Variants in ZNF117 observed in about 807,000 individuals in gnomAD.
The protein encoded by ZNF117 is zinc finger protein 117.
In ZNF117, 37 loss-of-function variants were observed where a neutral mutation model predicts 41.2. That is an observed-to-expected ratio of 0.90 (90% CI 0.69 to 1.18). The LOEUF (loss-of-function observed/expected upper bound fraction) is 1.18, where lower values mean the gene tolerates loss of function less well. Among genes scored for constraint, ZNF117 ranks in the 50% most tolerant of loss-of-function variants. The probability of loss-of-function intolerance (pLI) is 0.00; values close to 1 mark genes in which losing one functional copy is unlikely to be tolerated. For synonymous variants in ZNF117, 186 were observed against 186.6 expected, an observed-to-expected ratio of 1.00 and a Z score of 0.02; for missense variants, 546 against 557.5, an observed-to-expected ratio of 0.98 and a Z score of 0.21.
chr7:64,990,550 T>C (rs1786241132), exon 1 of ZNF117: 1 of 39,348 alleles, frequency 2.5e-5, no homozygotes, highest in Admixed American at 4.6e-4. Flanking sequence ...AATCATACCG[T>C]GACAGGTTTT....
chr7:64,974,540 C>T (rs1363541026), exon 3 of ZNF117: 1 of 151,850 alleles, frequency 6.6e-6, no homozygotes, highest in Non-Finnish European at 1.5e-5. Context: ...GGTACAAACT[C>T]ACACTCACAC....
chr7:64,988,686 T>C (rs569800514), intron 1 of ZNF117, among the ~76,000 whole-genome samples: 1 of 152,310 alleles, frequency 6.6e-6, no homozygotes, highest in East Asian at 1.9e-4. Context: ...TGTAATTCTA[T>C]ATATAGAAAA....
upstream of ZNF117, among the ~76,000 whole-genome samples, chr7:64,983,567 A>G (rs559352567): frequency 4.0e-4 from 61 of 152,342 alleles, no homozygotes; most frequent in African/African-American, 1.3e-3. Flanking sequence ...TCTCTATCTG[A>G]GACATATTAA....
upstream of ZNF117, among the ~76,000 whole-genome samples, chr7:64,982,611 T>A (rs1268480485): frequency 6.6e-6 from 1 of 152,174 alleles, no homozygotes; most frequent in East Asian, 1.9e-4. Context: ...TCAATGTTTT[T>A]GGCCCAAGAA....
Position 64,978,809 on chromosome 7 carries a change from G to T in ZNF117, c.762C>A (p.Cys254Ter), listed in dbSNP as rs752243867. 1 of 1,612,966 alleles carries T rather than the reference G, an allele frequency of 6.2e-7. No individual in the cohort carries two copies. The highest frequency in any genetic ancestry group is 2.2e-5 in the East Asian group (1 of 44,852). ...TTGAGGATCGGTTAAAAGCTTTGCC[G>T]CATTCTTCACATTCATAACGTTTCT... The change falls in exon 3 of 3, where the codon TGC becomes TGA. Residue 254 changes from cysteine (C) to a stop codon, truncating the protein, a stop_gained. Transcript: ENST00000620222. LOFTEE classifies it high-confidence loss of function.
chr7:64,977,284 T>C (rs2129118219), exon 3 of ZNF117: 1 of 414,594 alleles, frequency 2.4e-6, no homozygotes, highest in Non-Finnish European at 4.8e-6. Flanking sequence ...GAAGATCGGT[T>C]AAAAACTTTG....
chr7:64,982,242 A>G (rs1786047792), upstream of ZNF117: 1 of 405,834 alleles, frequency 2.5e-6, no homozygotes, highest in Non-Finnish European at 4.5e-6. Context: ...TATAGGAGTG[A>G]ATGAAACTAT....
exon 3 of ZNF117, chr7:64,978,013 T>C: frequency 7.5e-7 from 1 of 1,336,200 alleles, no homozygotes; most frequent in Admixed American, 2.0e-5. Flanking sequence ...TGAATCATCT[T>C]ATGTTTAGTA....
chr7:64,989,479 AT>A lies in ZNF117; in HGVS notation c.-196+467del, dbSNP rs1562649400. 1.2e-3 allele frequency among the ~76,000 whole-genome samples: 127 copies of A among 107,442 alleles called. 2 individuals are homozygous for A. The highest frequency in any genetic ancestry group is 2.2e-3 in the African/African-American group (67 of 30,046). 70.5% of individuals were successfully genotyped at this position (107,442 alleles called of 152,430 possible). ...TATATATATATATATATATATATAT[AT>A]ATATATATATATATATATAAAACCT... On this transcript the variant is annotated intron_variant, in intron 1 of 3. Coordinates refer to the ZNF117 transcript ENST00000282869.
chr7:64,987,943 C>G (rs35408058), intron 1 of ZNF117, among the ~76,000 whole-genome samples: 62,846 of 151,662 alleles, frequency 0.41, 13,976 homozygotes, highest in Admixed American at 0.51. Context: ...TAACAAACTC[C>G]AAAACTGAAT....
chr7:64,984,821 C>T (rs919269143), upstream of ZNF117, among the ~76,000 whole-genome samples: 3 of 152,024 alleles, frequency 2.0e-5, no homozygotes, highest in Admixed American at 6.6e-5. Flanking sequence ...GAAACAGTCT[C>T]GCTCTATTGC....
At chr7:64,976,821 TTTCCAGTA>T in exon 3 of ZNF117, 1 of 399,518 alleles carries the variant, frequency 2.5e-6, no homozygotes, top group South Asian at 1.8e-5. Context: ...GTTTGTAAAG[TTTCCAGTA>T]TTAATTTTCT....
At chr7:64,982,208 C>A, upstream of ZNF117, 3 of 508,772 alleles carry the variant, frequency 5.9e-6, no homozygotes, top group Non-Finnish European at 1.1e-5. Context: ...TAAAATAAAA[C>A]AGTAAAGAAA....
chr7:64,982,169 G>A, upstream of ZNF117: 2 of 610,376 alleles, frequency 3.3e-6, no homozygotes, highest in East Asian at 3.3e-5. Context: ...TTTACCAAGT[G>A]GCCATGGGCA....
upstream of ZNF117, among the ~76,000 whole-genome samples, chr7:64,983,894 T>C (rs1214861740): frequency 1.3e-5 from 2 of 151,374 alleles, no homozygotes; most frequent in African/African-American, 4.9e-5. Flanking sequence ...AAAGCATCTT[T>C]TAAAAACACA....
upstream of ZNF117, among the ~76,000 whole-genome samples, chr7:64,984,743 T>C (rs567466031): frequency 1.0e-3 from 40 of 38,362 alleles, no homozygotes; most frequent in African/African-American, 2.2e-3. Flanking sequence ...ACAACCATAA[T>C]TCAATTAAAA....
At chr7:64,980,759 A>C (rs1269521726) in intron 2 of ZNF117, 1 of 152,192 alleles carries the variant, frequency 6.6e-6, no homozygotes, top group African/African-American at 2.4e-5. Flanking sequence ...AAGGGAACTA[A>C]CTGTGTGACA....
In ZNF117 at chr7:64,979,506, C is replaced by A. The variant is rs763803290; in HGVS notation, c.65G>T (p.Trp22Leu). The stretch of plus-strand genomic sequence containing the variant: ...AGAATCTCTTATGTTCTGCTCTGGC[C>A]AAAGGTGTTGGGCAAAATAATAAAA... Residue 22 changes from tryptophan (W) to leucine (L), a missense_variant, in exon 3 of 3, where the codon TGG (tryptophan) becomes TTG (leucine). Trp to Leu is a moderately conservative substitution (Grantham distance 61). Transcript: ENST00000620222. 4 of 1,527,098 alleles carry A rather than the reference C, an allele frequency of 2.6e-6. No individual in the cohort carries two copies. The East Asian group carries it at 9.1e-5, about 35-fold the overall frequency. The allele number at this position is 1,527,098 out of a possible 1,614,324, so 94.6% of individuals were successfully genotyped here. A position where few individuals can be genotyped will look rare whatever the true frequency, so the allele number is the denominator to read the frequency against.
chr7:64,979,680 A>G (rs765605833), intron 2 of ZNF117, 144 bp from the exon 4 acceptor site: 45 of 554,876 alleles, frequency 8.1e-5, no homozygotes, highest in Non-Finnish European at 1.0e-4. Flanking sequence ...TCATAGACAT[A>G]TAAATGTAAC....
Sources: allele counts gnomAD v4.1 joint callset (sites outside exome capture counted in the v4.1 genomes callset), GRCh38; gene constraint gnomAD v4.1.1; transcripts MANE v1.5; gene names NCBI Gene and HGNC (gene_info 2026-07-23, HGNC 2026-07-21).